The following ABCA5 variants were observed in gnomAD, a reference collection of about 807,000 sequenced individuals.
ABCA5 encodes ATP binding cassette subfamily A member 5.
A neutral mutation model predicts 206.0 loss-of-function variants in ABCA5; 163 were observed. That is an observed-to-expected ratio of 0.79 (90% CI 0.70 to 0.90). The LOEUF is 0.90. Among genes scored for constraint, ABCA5 ranks in the 40% least tolerant of loss-of-function variants. The pLI, the probability that ABCA5 is intolerant of heterozygous loss-of-function variation, is 0.00. For synonymous variants in ABCA5, 609 were observed against 613.8 expected, an observed-to-expected ratio of 0.99 and a Z score of 0.11; for missense variants, 1,859 against 1,912.9, an observed-to-expected ratio of 0.97 and a Z score of 0.53.
At chr17:69,265,097 T>C (rs12450167) in intron 23 of ABCA5, among the ~76,000 whole-genome samples, 192 bp from the exon 24 acceptor site, 59,010 of 151,948 alleles carry the variant, frequency 0.39, 12,497 homozygotes, top group Middle Eastern at 0.51. Flanking sequence ...TGGCTCATTA[T>C]TTCTGAGATG....
At chr17:69,322,617 CCTCT>C (rs1023443729) in intron 1 of ABCA5, among the ~76,000 whole-genome samples, 1 of 151,906 alleles carries the variant, frequency 6.6e-6, no homozygotes, top group Non-Finnish European at 1.5e-5. Flanking sequence ...CTTAGAAGAG[CCTCT>C]CTCTTCCCCC....
At chr17:69,311,818 C>A (rs1333397860) in intron 3 of ABCA5, among the ~76,000 whole-genome samples, 1 of 152,048 alleles carries the variant, frequency 6.6e-6, no homozygotes, top group African/African-American at 2.4e-5. Context: ...TATATTCTTT[C>A]CTCCTACTCA....
chr17:69,265,027 G>A, intron 23 of ABCA5, 122 bp from the exon 24 acceptor site: 1 of 597,176 alleles, frequency 1.7e-6, no homozygotes, highest in Non-Finnish European at 2.6e-6. Context: ...TTACATTCCA[G>A]GCTTATAGGT....
intron 24 of ABCA5, among the ~76,000 whole-genome samples, chr17:69,263,853 C>G (rs1304850496): frequency 6.6e-6 from 1 of 151,858 alleles, no homozygotes; most frequent in Non-Finnish European, 1.5e-5. Flanking sequence ...CATGCCACCA[C>G]GTCCAGCTAT....
At chr17:69,263,716 A>ATTTTTTTTTTTTTTTTTTTTTTT (rs1239436337) in intron 24 of ABCA5, among the ~76,000 whole-genome samples, 3 of 15,750 alleles carry the variant, frequency 1.9e-4, no homozygotes, top group Non-Finnish European at 4.4e-4. Flanking sequence ...TTTTTTTTTG[A>ATTTTTTTTTTTTTTTTTTTTTTT]TAAAAAGTCT....
chr17:69,283,288 T>G (rs1181940346), intron 18 of ABCA5, among the ~76,000 whole-genome samples: 1 of 152,124 alleles, frequency 6.6e-6, no homozygotes, highest in Non-Finnish European at 1.5e-5. Flanking sequence ...CCGGCCTCCC[T>G]ATTTTCACTG....
chr17:69,302,746 T>A lies in ABCA5; in HGVS notation c.1091A>T (p.His364Leu), dbSNP rs1233763627. ...SLVWLFSPFC[H>L]CTFVIGIAQV... Reference sequence around the variant, plus strand: ...TGCAATACCAATCACAAAAGTACAGTGACAGAAAGGACTGAAAAGCCACAC... The same window carrying A: ...TGCAATACCAATCACAAAAGTACAGAGACAGAAAGGACTGAAAAGCCACAC... The change falls in exon 8 of 39, where the codon CAC becomes CTC. Residue 364 changes from histidine to leucine, a missense_variant. Coordinates refer to ENST00000392676, the MANE Select transcript of ABCA5 (RefSeq NM_172232.4). 1.3e-6 allele frequency: 2 copies of A among 1,582,312 alleles called. No individual in the cohort carries two copies. Among genetic ancestry groups the A allele is most frequent in the Non-Finnish European group, 1.7e-6 (2 of 1,171,354 alleles).
intron 34 of ABCA5, among the ~76,000 whole-genome samples, chr17:69,252,610 C>G (rs911675154): frequency 2.0e-5 from 3 of 151,854 alleles, no homozygotes; most frequent in Admixed American, 1.3e-4. Context: ...CCGAAGGGGG[C>G]GGATCACCTG....
intron 9 of ABCA5, 86 bp from the exon 10 acceptor site, chr17:69,297,445 T>A: frequency 2.4e-6 from 3 of 1,265,412 alleles, no homozygotes; most frequent in Non-Finnish European, 3.3e-6. Context: ...ACAACCTGCA[T>A]CTAAAGTTTA....
chr17:69,281,135 A>G (rs2075388543), intron 18 of ABCA5, among the ~76,000 whole-genome samples: 1 of 151,874 alleles, frequency 6.6e-6, no homozygotes, highest in Non-Finnish European at 1.5e-5. Context: ...TACACAATTG[A>G]GGTTTATTTT....
In ABCA5 at chr17:69,294,672, T is replaced by C; in HGVS notation, c.1478A>G (p.Asn493Ser). ...CTACTTACTTCTCAAAGCCTCCACATTTTCACCCTTCTTTCTGTATGTCTT... is the reference window on the plus strand; with the variant it reads ...CTACTTACTTCTCAAAGCCTCCACACTTTCACCCTTCTTTCTGTATGTCTT... ...IQKTYRKKGE[N>S]VEALRNLSFD... The change falls in exon 11 of 39, where the codon AAT becomes AGT. Residue 493 changes from asparagine (N) to serine (S), a missense_variant. Asn to Ser is a conservative substitution (Grantham distance 46). Transcript: ENST00000392676. The C allele has an allele frequency of 6.2e-7, 1 of 1,605,908 alleles. No individual in the cohort carries two copies. Among genetic ancestry groups the C allele is most frequent in the Non-Finnish European group, 8.5e-7 (1 of 1,174,376 alleles).
intron 1 of ABCA5, chr17:69,317,713 G>A (rs992369832): frequency 3.3e-5 from 5 of 152,084 alleles, no homozygotes; most frequent in African/African-American, 1.2e-4. Flanking sequence ...ACCTATCACA[G>A]GTCCAGTATC....
At position 69,292,610 on chromosome 17, in the gene ABCA5, A is replaced by T. The variant is rs562184606; in HGVS notation, c.1496-1284T>A. Among the ~76,000 whole-genome samples, 221 of 152,244 alleles carry T rather than the reference A, an allele frequency of 1.5e-3. 1 individual carries two copies. The highest frequency in any genetic ancestry group is 3.5e-3 in the South Asian group (17 of 4,826). On this transcript the variant is annotated intron_variant, in intron 11 of 38. Transcript: ENST00000392676. ...TTATTTCATTCTCTTGCTTCTTTGC[A>T]TTAGAAACAATTAGTTGTAATTGTT... is the stretch of plus-strand genomic sequence containing the variant.
rs369763282 is a variant in ABCA5 at position 69,271,210 on chromosome 17, T to C, written c.2844A>G (p.Val948=). 3.3e-5 allele frequency: 53 copies of C among 1,613,426 alleles called. No homozygotes were observed. The highest frequency in any genetic ancestry group is 4.4e-5 in the Non-Finnish European group (52 of 1,179,636). The change falls in exon 21 of 39, where the codon GTA becomes GTG. Residue 948 remains valine, a synonymous_variant. Coordinates refer to ENST00000392676, the MANE Select transcript of ABCA5 (RefSeq NM_172232.4). ...MVTMINDSDY[V]SVAPHSAALN... ...AAGCCGCACTATGGGGAGCCACGGA[T>C]ACATAGTCACTGTCATTAATCATCG...
At position 69,313,089 on chromosome 17, in the gene ABCA5, T is replaced by C; in HGVS notation, c.307+3A>G. 1.3e-6 allele frequency: 2 copies of C among 1,587,286 alleles called. No homozygotes were observed. The highest frequency in any genetic ancestry group is 1.7e-6 in the Non-Finnish European group (2 of 1,164,662). ...ACAGAATATATATATAAGCTCACAA[T>C]ACCATCAGGTAGATGATCAGTAGAC... On this transcript the variant is annotated splice_donor_region_variant and intron_variant, in intron 3 of 38. Transcript: ENST00000392676.
chr17:69,324,702 C>G (rs943724589), intron 1 of ABCA5, among the ~76,000 whole-genome samples: 2 of 152,152 alleles, frequency 1.3e-5, no homozygotes, highest in African/African-American at 4.8e-5. Context: ...AAAGAGATTT[C>G]CAAAATCCAC....
chr17:69,258,148 C>A (rs1351909662), intron 28 of ABCA5, among the ~76,000 whole-genome samples: 1 of 151,948 alleles, frequency 6.6e-6, no homozygotes, highest in Non-Finnish European at 1.5e-5. Flanking sequence ...TACCATTCAA[C>A]CCAGCAATCC....
chr17:69,277,471 C>T (rs12938064), intron 19 of ABCA5, among the ~76,000 whole-genome samples, 170 bp downstream of exon 19: 59,762 of 151,840 alleles, frequency 0.39, 12,623 homozygotes, highest in Middle Eastern at 0.51. Flanking sequence ...ACAGGGTATT[C>T]GATGAAATTA....
At chr17:69,267,892 TTA>T (rs1223970292) in intron 23 of ABCA5, 49 bp downstream of exon 23, 1 of 1,046,396 alleles carries the variant, frequency 9.6e-7, no homozygotes, top group Non-Finnish European at 1.5e-6. Context: ...TAGGTTATTT[TTA>T]TATGACACTT....
Sources: allele counts gnomAD v4.1 joint callset (sites outside exome capture counted in the v4.1 genomes callset), GRCh38; gene constraint gnomAD v4.1.1; transcripts MANE v1.5; gene names NCBI Gene and HGNC (gene_info 2026-07-23, HGNC 2026-07-21).